C19orf18: variants seen among roughly 807,000 people sequenced by gnomAD.
C19orf18 encodes uncharacterized protein C19orf18.
C19orf18 carries 21 observed loss-of-function variants against 23.3 expected under a neutral mutation model. That is an observed-to-expected ratio of 0.90 (90% CI 0.64 to 1.30). C19orf18 has a LOEUF of 1.30. Among genes scored for constraint, C19orf18 ranks in the 50% most tolerant of loss-of-function variants. The pLI, the probability that C19orf18 is intolerant of heterozygous loss-of-function variation, is 0.00. For missense variants in C19orf18, 249 were observed against 259.6 expected (o/e 0.96, Z 0.28); for synonymous variants, 96 against 95.2 (o/e 1.01, Z -0.05).
intron 3 of C19orf18, among the ~76,000 whole-genome samples, chr19:57,971,062 C>T (rs759212272): frequency 6.6e-5 from 10 of 152,080 alleles, no homozygotes; most frequent in Non-Finnish European, 1.3e-4. Flanking sequence ...ATGGTGGTGT[C>T]AATGGGCAGG....
At chr19:57,970,633 T>A (rs1025227043) in intron 3 of C19orf18, among the ~76,000 whole-genome samples, 1 of 151,826 alleles carries the variant, frequency 6.6e-6, no homozygotes, top group African/African-American at 2.4e-5. Flanking sequence ...CAGGCTGGAG[T>A]GCAGTGGTGC....
chr19:57,960,629 G>A (rs1034547189), intron 5 of C19orf18, among the ~76,000 whole-genome samples: 1 of 152,034 alleles, frequency 6.6e-6, no homozygotes, highest in African/African-American at 2.4e-5. Flanking sequence ...AAACATCTGC[G>A]TGTCTGTGTT....
At chr19:57,961,892 CT>C (rs534369230) in intron 4 of C19orf18, among the ~76,000 whole-genome samples, 24 of 148,190 alleles carry the variant, frequency 1.6e-4, no homozygotes, top group South Asian at 6.3e-4. Context: ...TTTTCTTTCT[CT>C]TTTTTTTCCT....
intron 3 of C19orf18, 29 bp downstream of exon 3, chr19:57,972,434 C>A: frequency 6.2e-7 from 1 of 1,612,394 alleles, no homozygotes; most frequent in African/African-American, 1.3e-5. Context: ...GTTGCGGGTC[C>A]ACCCGCCCTC....
chr19:57,967,649 G>A (rs1030886313), intron 3 of C19orf18, among the ~76,000 whole-genome samples: 4 of 152,054 alleles, frequency 2.6e-5, no homozygotes, highest in Non-Finnish European at 5.9e-5. Flanking sequence ...CTACTCAGGA[G>A]GCTGAGGCAG....
intron 4 of C19orf18, among the ~76,000 whole-genome samples, chr19:57,962,509 T>C (rs954954662): frequency 1.3e-5 from 2 of 152,154 alleles, no homozygotes; most frequent in Non-Finnish European, 2.9e-5. Context: ...TGGATGACAG[T>C]GTTTTCCTAA....
chr19:57,970,751 G>A (rs769852917), intron 3 of C19orf18, among the ~76,000 whole-genome samples: 2 of 151,796 alleles, frequency 1.3e-5, no homozygotes, highest in Non-Finnish European at 2.9e-5. Flanking sequence ...GTAGAGATGG[G>A]GTTTCACCAT....
chr19:57,970,454 T>C (rs891902126), intron 3 of C19orf18, among the ~76,000 whole-genome samples: 1 of 152,222 alleles, frequency 6.6e-6, no homozygotes, highest in Non-Finnish European at 1.5e-5. Context: ...CAGTGTCTCG[T>C]GGGTGGACAT....
rs897825178 is a variant in C19orf18, at chr19:57,974,400, C to T, written c.33G>A (p.Leu11=). The change falls in exon 1 of 6, where the codon TTG becomes TTA. Residue 11 remains leucine (L), a synonymous_variant. Transcript: ENST00000314391. ...GTTGGCATTCCATTAAAAACAAAAA[C>T]AAAATGAGGAAACCACTCTGAACCT... MDKVQSGFLI[L]FLFLMECQLH... 7.0e-5 allele frequency: 113 copies of T among 1,613,570 alleles called. No individual in the cohort carries two copies. Among genetic ancestry groups the T allele is most frequent in the Non-Finnish European group, 9.2e-5 (109 of 1,179,794 alleles).
chr19:57,961,959 T>C (rs922991895), intron 4 of C19orf18, among the ~76,000 whole-genome samples: 1 of 151,656 alleles, frequency 6.6e-6, no homozygotes, highest in East Asian at 1.9e-4. Flanking sequence ...CTTTCCTTTT[T>C]CTTTCCCTTT....
chr19:57,959,976 GT>G (rs2072854655), intron 5 of C19orf18, among the ~76,000 whole-genome samples: 1 of 151,080 alleles, frequency 6.6e-6, no homozygotes, highest in Admixed American at 6.6e-5. Context: ...AGGGGTCATG[GT>G]GCACGCCTGT....
At chr19:57,959,166 A>G (rs2072848501) in intron 5 of C19orf18, among the ~76,000 whole-genome samples, 1 of 152,174 alleles carries the variant, frequency 6.6e-6, no homozygotes, top group Non-Finnish European at 1.5e-5. Flanking sequence ...TTTTCTCTCT[A>G]GAATTTTTTA....
chr19:57,958,521 G>T lies in C19orf18; in HGVS notation c.*81C>A. 1.1e-6 allele frequency: 1 copy of T among 903,380 alleles called. No homozygotes were observed. Among genetic ancestry groups the T allele is most frequent in the Non-Finnish European group, 1.7e-6 (1 of 590,298 alleles). The allele number at this position is 903,380 out of a possible 1,614,324, so 56.0% of individuals were successfully genotyped here. On this transcript the variant is annotated 3_prime_UTR_variant, in exon 6 of 6. Coordinates refer to ENST00000314391, the MANE Select transcript of C19orf18 (RefSeq NM_152474.5). ...TCCTCTTCCATAAGGTTCTCTGGGAGCAAGCCACGCCCACAGGCTCAGTCT... is the reference window on the plus strand; with the variant it reads ...TCCTCTTCCATAAGGTTCTCTGGGATCAAGCCACGCCCACAGGCTCAGTCT...
intron 3 of C19orf18, among the ~76,000 whole-genome samples, chr19:57,967,833 C>A (rs1298372459): frequency 7.1e-6 from 1 of 141,030 alleles, no homozygotes; most frequent in African/African-American, 2.8e-5. Context: ...CACGGCGAAA[C>A]CCCATCTCTA....
At chr19:57,970,336 C>G (rs549307219) in intron 3 of C19orf18, among the ~76,000 whole-genome samples, 26 of 152,230 alleles carry the variant, frequency 1.7e-4, no homozygotes, top group African/African-American at 6.0e-4. Context: ...CTTATGCACT[C>G]GTCTCATATG....
At chr19:57,961,366 G>C (rs749019180) in intron 5 of C19orf18, 25 bp downstream of exon 5, 3 of 1,557,600 alleles carry the variant, frequency 1.9e-6, no homozygotes, top group South Asian at 1.2e-5. Context: ...GCTTTCCTGC[G>C]AATAGCTCTT....
intron 3 of C19orf18, among the ~76,000 whole-genome samples, chr19:57,969,566 GAAAAAAAAAAAAAAAAAA>G (rs59100128): frequency 2.2e-5 from 1 of 46,498 alleles, no homozygotes; most frequent in East Asian, 1.2e-3. Context: ...AAAAAAAACA[GAAAAAAAAAAAAAAAAAA>G]AAAAAAAAAA....
intron 4 of C19orf18, 57 bp downstream of exon 4, chr19:57,966,473 C>A (rs2123226090): frequency 9.6e-7 from 1 of 1,046,002 alleles, no homozygotes; most frequent in East Asian, 2.4e-5. Context: ...AAATAATAAT[C>A]AGTTGACTTG....
At chr19:57,973,018 C>T (rs373763611) in intron 2 of C19orf18, among the ~76,000 whole-genome samples, 59 of 151,588 alleles carry the variant, frequency 3.9e-4, no homozygotes, top group African/African-American at 1.3e-3. Context: ...CATGGTGGCA[C>T]GCGCCTGTAG....
Sources: allele counts gnomAD v4.1 joint callset (sites outside exome capture counted in the v4.1 genomes callset), GRCh38; gene constraint gnomAD v4.1.1; transcripts MANE v1.5; gene names NCBI Gene and HGNC (gene_info 2026-07-23, HGNC 2026-07-21).